TLE6: variants seen among roughly 807,000 people sequenced by gnomAD.
TLE6 encodes TLE family member 6, subcortical maternal complex member, also known as transducin-like enhancer protein 6.
Under a neutral mutation model 77.1 loss-of-function variants are expected in TLE6, and 72 were observed. The observed-to-expected ratio is 0.93, with a 90% CI of 0.77 to 1.14. The LOEUF is 1.14. Ranked by LOEUF, TLE6 falls within the 50% of genes most tolerant of loss-of-function variation. The probability of loss-of-function intolerance (pLI) is 0.00; values close to 1 mark genes in which losing one functional copy is unlikely to be tolerated. For synonymous variants in TLE6, 366 were observed against 287.3 expected (o/e 1.27, Z -2.77); for missense variants, 843 against 747.6 (o/e 1.13, Z -1.49).
Position 2,992,198 on chromosome 19 carries a change from C to T in TLE6, c.1386+214C>T, listed in dbSNP as rs560583302. On this transcript the variant is annotated intron_variant, in intron 14 of 16. Coordinates refer to ENST00000246112, the MANE Select transcript of TLE6 (RefSeq NM_001143986.2). The stretch of plus-strand genomic sequence containing the variant: ...TAAAAATACAAAAATCAGAGCTGGG[C>T]GCAGAGGCTCACACCTGTAATCCCA... 5.7e-4 allele frequency among the ~76,000 whole-genome samples: 86 copies of T among 152,092 alleles called. 1 individual carries two copies. In the South Asian group the frequency reaches 6.8e-3, roughly 12 times the overall value.
rs1445516041 is a variant in TLE6 at position 2,989,614 on chromosome 19, G to C, written c.1073G>C (p.Ser358Thr). ...SLLTGGYNLA[S>T]VSVWDLAAPS... ...CTCACCGGTGGCTACAACCTGGCCA[G>C]CGTGAGCGTGTGGGACCTGGCGGCG... The change falls in exon 13 of 17, where the codon AGC becomes ACC. Residue 358 changes from serine to threonine, a missense_variant. Coordinates refer to ENST00000246112, the MANE Select transcript of TLE6 (RefSeq NM_001143986.2). 47 of 1,613,946 alleles carry C rather than the reference G, an allele frequency of 2.9e-5. No individual in the cohort carries two copies. The highest frequency in any genetic ancestry group is 3.3e-5 in the Non-Finnish European group (39 of 1,180,016).
chr19:2,990,711 A>ATACATAAATATATACAT (rs1568217359), intron 13 of TLE6, among the ~76,000 whole-genome samples: 1 of 149,778 alleles, frequency 6.7e-6, no homozygotes, highest in African/African-American at 2.4e-5. Context: ...ATACATATAT[A>ATACATAAATATATACAT]AAAAACAGTC....
rs569619213 is a variant in TLE6 at position 2,984,395 on chromosome 19, C to T, written c.222+2206C>T. ...GGTCTCCCCTCCCGGCCCCTCCCTC[C>T]GCCGTCCTGCTAAGGAAACAGACAG... is the stretch of plus-strand genomic sequence containing the variant. On this transcript the variant is annotated intron_variant, in intron 5 of 16. Coordinates refer to ENST00000246112, the MANE Select transcript of TLE6 (RefSeq NM_001143986.2). The T allele has an allele frequency of 5.3e-4, 81 of 152,220 alleles. 1 individual carries two copies. The highest frequency in any genetic ancestry group is 1.9e-3 in the African/African-American group (77 of 41,524). 9.4% of individuals were successfully genotyped at this position (152,220 alleles called of 1,614,324 possible).
intron 5 of TLE6, 75 bp from the exon 6 acceptor site, chr19:2,986,754 G>T: frequency 7.2e-7 from 1 of 1,392,900 alleles, no homozygotes; most frequent in Non-Finnish European, 9.9e-7. Flanking sequence ...CTACAGGTGG[G>T]GATAATCATG....
At chr19:2,987,288 CA>C (rs1555685113) in intron 7 of TLE6, 50 bp downstream of exon 7, 1 of 1,614,198 alleles carries the variant, frequency 6.2e-7, no homozygotes, top group Non-Finnish European at 8.5e-7. Context: ...GGCTGCGTCT[CA>C]GGGGCTGTGC....
Position 2,981,592 on chromosome 19 carries a change from G to T in TLE6, c.180+9G>T, listed in dbSNP as rs1297931738. On this transcript the variant is annotated intron_variant, in intron 4 of 16. Transcript: ENST00000246112. Reference sequence around the variant, plus strand: ...AGAGCATTTACTACTCGGTGAGCCAGACCCAGGCAGCCCCAACCAAGGAGG... The same window carrying T: ...AGAGCATTTACTACTCGGTGAGCCATACCCAGGCAGCCCCAACCAAGGAGG... 1.3e-6 allele frequency: 2 copies of T among 1,551,530 alleles called. No homozygotes were observed. Among genetic ancestry groups the T allele is most frequent in the South Asian group, 2.4e-5 (2 of 84,062 alleles).
At chr19:2,988,963 A>T in intron 11 of TLE6, 98 bp from the exon 12 acceptor site, 1 of 1,534,934 alleles carries the variant, frequency 6.5e-7, no homozygotes, top group Non-Finnish European at 8.8e-7. Flanking sequence ...GGGACCCCAA[A>T]ATCTGAAAAA....
intron 11 of TLE6, among the ~76,000 whole-genome samples, chr19:2,988,515 G>A (rs1435000778): frequency 6.6e-6 from 1 of 152,058 alleles, no homozygotes; most frequent in African/African-American, 2.4e-5. Context: ...GGAGAATGGC[G>A]TGAACCCGGG....
At position 2,987,103 on chromosome 19, in the gene TLE6, T is replaced by C; in HGVS notation, c.406T>C (p.Leu136=). 3 of 1,613,962 alleles carry C rather than the reference T, an allele frequency of 1.9e-6. No individual in the cohort carries two copies. Among genetic ancestry groups the C allele is most frequent in the Non-Finnish European group, 2.5e-6 (3 of 1,179,990 alleles). Residue 136 remains leucine (L), a synonymous_variant, in exon 7 of 17, where the codon TTG becomes CTG. Coordinates refer to ENST00000246112, the MANE Select transcript of TLE6 (RefSeq NM_001143986.2). The stretch of plus-strand genomic sequence containing the variant: ...GTCCTCCGACTGGCTCCGGCGGCCT[T>C]TGGGGGAGGACAATCAGCCGGAGAC... The part of the protein sequence containing the change: ...TRSSDWLRRP[L]GEDNQPETQL...
intron 15 of TLE6, among the ~76,000 whole-genome samples, 169 bp from the exon 16 acceptor site, chr19:2,993,850 G>A (rs2089144006): frequency 6.8e-6 from 1 of 147,624 alleles, no homozygotes; most frequent in South Asian, 2.1e-4. Flanking sequence ...CGGGGAGGCT[G>A]AGGCCACAGT....
At chr19:2,978,477 CTGTGGCT>C (rs1040226157) in intron 2 of TLE6, among the ~76,000 whole-genome samples, 193 bp downstream of exon 2, 7 of 152,140 alleles carry the variant, frequency 4.6e-5, no homozygotes, top group African/African-American at 1.7e-4. Context: ...AGGCTGGACA[CTGTGGCT>C]CACAACTGTA....
Position 2,980,124 on chromosome 19 carries a change from G to C in TLE6, c.76G>C (p.Glu26Gln). Residue 26 changes from glutamate (E) to glutamine (Q), a missense_variant, in exon 3 of 17, where the codon GAG (glutamate) becomes CAG (glutamine). Coordinates refer to ENST00000246112, the MANE Select transcript of TLE6 (RefSeq NM_001143986.2). The stretch of plus-strand genomic sequence containing the variant: ...GCCTTGTCCTGGGATCTCGAACTCT[G>C]AGAGCTCTCCGACGCTGAATTATCA... ...TSPCPGISNSESSPTLNYQGI... is the reference protein window; with the variant it reads ...TSPCPGISNSQSSPTLNYQGI... 1 of 1,550,590 alleles carries C rather than the reference G, an allele frequency of 6.4e-7. No individual in the cohort carries two copies. The highest frequency in any genetic ancestry group is 1.4e-5 in the African/African-American group (1 of 73,086).
intron 14 of TLE6, 133 bp downstream of exon 14, chr19:2,992,117 C>G (rs897958816): frequency 3.9e-6 from 4 of 1,034,178 alleles, no homozygotes; most frequent in Non-Finnish European, 5.6e-6. Context: ...GGGTGGATCA[C>G]CTGAGGTCAG....
chr19:2,982,067 G>T, intron 4 of TLE6, 81 bp from the exon 5 acceptor site: 4 of 1,443,082 alleles, frequency 2.8e-6, no homozygotes, highest in Non-Finnish European at 3.8e-6. Context: ...AGGGGCCAGA[G>T]AGGTAGAGCA....
intron 8 of TLE6, 167 bp from the exon 9 acceptor site, chr19:2,987,557 A>G: frequency 1.8e-6 from 2 of 1,084,300 alleles, no homozygotes; most frequent in Non-Finnish European, 2.7e-6. Flanking sequence ...CCCACAGCCC[A>G]GGGCTTCCAG....
Position 2,978,207 on chromosome 19 carries a change from A to G in TLE6, c.-27A>G. 1.3e-6 allele frequency: 2 copies of G among 1,550,862 alleles called. No homozygotes were observed. The highest frequency in any genetic ancestry group is 2.4e-5 in the East Asian group (1 of 40,912). On this transcript the variant is annotated 5_prime_UTR_variant, in exon 2 of 17. Coordinates refer to ENST00000246112, the MANE Select transcript of TLE6 (RefSeq NM_001143986.2). ...CTCCTTGTTGTTTTAGACTCTGGCT[A>G]AAGTCTTGGAGGCTACTGCCTTGAA...
intron 11 of TLE6, 55 bp from the exon 12 acceptor site, chr19:2,989,006 A>G (rs890095746): frequency 1.3e-6 from 2 of 1,597,888 alleles, no homozygotes; most frequent in Middle Eastern, 3.6e-4. Context: ...TGTGGCTCCC[A>G]CTGGGCAAAG....
chr19:2,994,576 C>G lies in TLE6; in HGVS notation c.1615-324C>G, dbSNP rs568751341. ...AGTGAGCCAAGATTGTGCCACTGCA[C>G]TCCAGCCTGGGTGACAGAGACTCCA... On this transcript the variant is annotated intron_variant, in intron 16 of 16. Coordinates refer to ENST00000246112, the MANE Select transcript of TLE6 (RefSeq NM_001143986.2). 1.1e-4 allele frequency among the ~76,000 whole-genome samples: 17 copies of G among 151,804 alleles called. No individual in the cohort carries two copies. The South Asian group carries it at 3.6e-3, about 32-fold the overall frequency.
At chr19:2,985,263 A>T (rs1030820427) in intron 5 of TLE6, among the ~76,000 whole-genome samples, 3 of 151,994 alleles carry the variant, frequency 2.0e-5, no homozygotes, top group African/African-American at 7.2e-5. Flanking sequence ...AGAAAAAAAA[A>T]TTACCACTGA....
Sources: gnomAD v4.1 joint callset for allele counts (sites outside exome capture counted in the v4.1 genomes callset) on GRCh38, gnomAD v4.1.1 for gene constraint, MANE v1.5 for transcripts, NCBI Gene and HGNC (gene_info 2026-07-23, HGNC 2026-07-21) for gene names.